Variants in PUS3 observed in about 807,000 individuals in gnomAD.
PUS3 encodes the protein pseudouridine synthase 3.
In PUS3, 36 loss-of-function variants were observed where a neutral mutation model predicts 43.3. That is an observed-to-expected ratio of 0.83 (90% CI 0.64 to 1.10). The LOEUF (loss-of-function observed/expected upper bound fraction) is 1.10, where lower values mean the gene tolerates loss of function less well. Ranked by LOEUF, PUS3 falls within the 50% of genes least tolerant of loss-of-function variation. The pLI is 0.00. For missense variants in PUS3, 544 were observed against 589.9 expected, an observed-to-expected ratio of 0.92 and a Z score of 0.81; for synonymous variants, 183 against 199.2, an observed-to-expected ratio of 0.92 and a Z score of 0.69.
Position 125,895,336 on chromosome 11 carries a change from G to C in PUS3, c.832C>G (p.Gln278Glu). 6.2e-7 allele frequency: 1 copy of C among 1,614,142 alleles called. No homozygotes were observed. The highest frequency in any genetic ancestry group is 8.5e-7 in the Non-Finnish European group (1 of 1,180,014). Residue 278 changes from glutamine to glutamate, a missense_variant, in exon 3 of 4, where the codon CAA becomes GAA. Physicochemically the swap from Gln to Glu is conservative, Grantham distance 29. Coordinates refer to ENST00000227474, the MANE Select transcript of PUS3 (RefSeq NM_031307.4). ...EVTGQAFLYH[Q>E]VRCMMAILFL... The stretch of plus-strand genomic sequence containing the variant: ...AGGATAGCCATCATACATCGGACTT[G>C]ATGATAAAGGAATGCCTGGCCAGTC...
intron 1 of PUS3, chr11:125,899,780 G>A (rs1260112346): frequency 6.2e-7 from 1 of 1,614,064 alleles, no homozygotes; most frequent in African/African-American, 1.3e-5. Flanking sequence ...GCTGATGAAT[G>A]TACAGTTCCA....
rs570355935 is a variant in PUS3, at chr11:125,901,716, C to T, written c.-47+1454G>A. Among the ~76,000 whole-genome samples the T allele has an allele frequency of 3.9e-5, 6 of 152,180 alleles. No homozygotes were observed. The South Asian group carries it at 1.0e-3, about 26-fold the overall frequency. The stretch of plus-strand genomic sequence containing the variant: ...TCAGGTACATGTAGGATATACTCAC[C>T]GCAAAAAAGTAGAAACTGCAAACTG... On this transcript the variant is annotated intron_variant, in intron 1 of 3. Transcript: ENST00000227474.
chr11:125,898,451 G>A (rs1332602867), intron 1 of PUS3, among the ~76,000 whole-genome samples: 1 of 152,124 alleles, frequency 6.6e-6, no homozygotes, highest in East Asian at 1.9e-4. Context: ...GAGGCGGGTG[G>A]GTTGCCTGAG....
At chr11:125,903,085 A>G in intron 1 of PUS3, 85 bp downstream of exon 1, 1 of 648,554 alleles carries the variant, frequency 1.5e-6, no homozygotes, top group South Asian at 6.8e-5. Flanking sequence ...AAAGAAGACA[A>G]CAGACAACCG....
rs776983732 is a variant in PUS3 at position 125,896,187 on chromosome 11, G to A, written c.98C>T (p.Ala33Val). 2 of 1,614,038 alleles carry A rather than the reference G, an allele frequency of 1.2e-6. No individual in the cohort carries two copies. The highest frequency in any genetic ancestry group is 1.7e-6 in the Non-Finnish European group (2 of 1,180,014). ...QEVQRLKKEQ[A>V]KNKEDSNIRE... ...AATGTTTGAGTCCTCCTTATTTTTG[G>A]CCTGTTCCTTTTTAAGTCTTTGCAC... Residue 33 changes from alanine (A) to valine (V), a missense_variant, in exon 2 of 4, where the codon GCC (alanine) becomes GTC (valine). Physicochemically the swap from Ala to Val is moderately conservative, Grantham distance 64 (BLOSUM62 0). Transcript: ENST00000227474.
chr11:125,900,718 AAGAAG>A, intron 1 of PUS3: 1 of 205,438 alleles, frequency 4.9e-6, no homozygotes, highest in East Asian at 1.5e-4. Flanking sequence ...GAGAGCTCAA[AAGAAG>A]GAACAAGCCG....
In PUS3 at chr11:125,895,329, C is replaced by T. The variant is rs776807099; in HGVS notation, c.839G>A (p.Arg280Gln). Reference protein sequence around the residue: ...TGQAFLYHQVRCMMAILFLIG... With the variant: ...TGQAFLYHQVQCMMAILFLIG... ...CAGAAAGAGGATAGCCATCATACAT[C>T]GGACTTGATGATAAAGGAATGCCTG... is the stretch of plus-strand genomic sequence containing the variant. Residue 280 changes from arginine (R) to glutamine (Q), a missense_variant, in exon 3 of 4, where the codon CGA (arginine) becomes CAA (glutamine). Arg to Gln is a conservative substitution (Grantham distance 43). Coordinates refer to ENST00000227474, the MANE Select transcript of PUS3 (RefSeq NM_031307.4). 1.2e-6 allele frequency: 2 copies of T among 1,614,024 alleles called. No homozygotes were observed. Among genetic ancestry groups the T allele is most frequent in the Admixed American group, 1.7e-5 (1 of 60,000 alleles).
At chr11:125,900,157 T>C in intron 1 of PUS3, 1 of 1,614,144 alleles carries the variant, frequency 6.2e-7, no homozygotes, top group Non-Finnish European at 8.5e-7. Context: ...TCCCAAACAA[T>C]TATCTAGTAC....
intron 1 of PUS3, 48 bp from the exon 2 acceptor site, chr11:125,896,378 G>T: frequency 8.2e-7 from 1 of 1,222,012 alleles, no homozygotes; most frequent in Non-Finnish European, 1.2e-6. Context: ...TAGTTCCTTT[G>T]ATGATGTTCT....
chr11:125,893,491 C>T lies in PUS3; in HGVS notation c.*294G>A. ...AAAAACACAACAAATCAGATACTTGCAGGATTAGGCTTTAATGAATTTGAA... is the reference window on the plus strand; with the variant it reads ...AAAAACACAACAAATCAGATACTTGTAGGATTAGGCTTTAATGAATTTGAA... On this transcript the variant is annotated 3_prime_UTR_variant, in exon 4 of 4. Coordinates refer to ENST00000227474, the MANE Select transcript of PUS3 (RefSeq NM_031307.4). 1 of 237,894 alleles carries T rather than the reference C, an allele frequency of 4.2e-6. No homozygotes were observed. Among genetic ancestry groups the T allele is most frequent in the Non-Finnish European group, 8.0e-6 (1 of 124,730 alleles). 14.7% of individuals were successfully genotyped at this position (237,894 alleles called of 1,614,324 possible). A position where few individuals can be genotyped will look rare whatever the true frequency, so the allele number is the denominator to read the frequency against.
At chr11:125,897,611 T>A (rs116354309) in intron 1 of PUS3, among the ~76,000 whole-genome samples, 1,570 of 151,792 alleles carry the variant, frequency 0.01, 35 homozygotes, top group African/African-American at 0.035. Flanking sequence ...AAAAATTTTT[T>A]AAAAAAAATT....
rs1195452063 is a variant in PUS3 at position 125,896,086 on chromosome 11, G to C, written c.199C>G (p.Leu67Val). Residue 67 changes from leucine (L) to valine (V), a missense_variant, in exon 2 of 4, where the codon CTA (leucine) becomes GTA (valine). By Grantham distance (32) the Leu-to-Val change is conservative (BLOSUM62 1). Coordinates refer to ENST00000227474, the MANE Select transcript of PUS3 (RefSeq NM_031307.4). ...CCCCAGCCCATATAGGCTATTCTTA[G>C]GGCTACGTGTCTTCGGCCATGAGCA... ...FSAHGRRHVA[L>V]RIAYMGWGYQ... The C allele has an allele frequency of 1.9e-6, 3 of 1,614,200 alleles. No individual in the cohort carries two copies. The highest frequency in any genetic ancestry group is 1.3e-5 in the African/African-American group (1 of 75,052).
rs766057732 is a variant in PUS3 at position 125,895,613 on chromosome 11, A to T, written c.555T>A (p.Ser185Arg). Residue 185 changes from serine (S) to arginine (R), a missense_variant, in exon 3 of 4, where the codon AGT becomes AGA. Transcript: ENST00000227474. The stretch of plus-strand genomic sequence containing the variant: ...TCCGCTCAAGGCAGCTGAACCTAGC[A>T]CTGAAGCTTGGTTCTACAGGGGCCC... ...LAWAPVEPSF[S>R]ARFSCLERTY... 1 of 1,614,252 alleles carries T rather than the reference A, an allele frequency of 6.2e-7. No homozygotes were observed. Among genetic ancestry groups the T allele is most frequent in the Non-Finnish European group, 8.5e-7 (1 of 1,180,036 alleles).
chr11:125,895,142 C>T, intron 3 of PUS3, 82 bp downstream of exon 3: 2 of 1,176,972 alleles, frequency 1.7e-6, no homozygotes, highest in Non-Finnish European at 2.4e-6. Flanking sequence ...CGCCTCCTGG[C>T]TTCAAGCAAT....
chr11:125,896,334 A>C lies in PUS3; in HGVS notation c.-46-4T>G. The C allele has an allele frequency of 6.6e-7, 1 of 1,508,552 alleles. No homozygotes were observed. The allele number at this position is 1,508,552 out of a possible 1,614,324, so 93.4% of individuals were successfully genotyped here. On this transcript the variant is annotated splice_region_variant and splice_polypyrimidine_tract_variant and intron_variant, in intron 1 of 3. Transcript: ENST00000227474. ...GAACCATACAGGTCTGCCCTGTCTG[A>C]AAAGAGAGCAAAGGGATACAACAGT...
rs940058901 is a variant in PUS3 at position 125,893,723 on chromosome 11, T to TG, written c.*61_*62insC. 7 of 1,412,554 alleles carry TG rather than the reference T, an allele frequency of 5.0e-6. No individual in the cohort carries two copies. The African/African-American group carries it at 1.0e-4, about 20-fold the overall frequency. 87.5% of individuals were successfully genotyped at this position (1,412,554 alleles called of 1,614,324 possible). A position where few individuals can be genotyped will look rare whatever the true frequency, so the allele number is the denominator to read the frequency against. ...CTAGTACTTGCAAGTAAATTTTTTT[T>TG]TTTTTCCTTTTCTGTCCACCTACCA... On this transcript the variant is annotated 3_prime_UTR_variant, in exon 4 of 4. Coordinates refer to ENST00000227474, the MANE Select transcript of PUS3 (RefSeq NM_031307.4).
rs1318258250 is a variant in PUS3, at chr11:125,893,792, A to C, written c.1439T>G (p.Ile480Ser). The C allele has an allele frequency of 6.2e-7, 1 of 1,606,840 alleles. No individual in the cohort carries two copies. Among genetic ancestry groups the C allele is most frequent in the Non-Finnish European group, 8.5e-7 (1 of 1,176,216 alleles). The change falls in exon 4 of 4, where the codon ATC becomes AGC. Residue 480 changes from isoleucine (I) to serine (S), a missense_variant. Ile to Ser is a moderately radical substitution (Grantham distance 142). Transcript: ENST00000227474. ...CTGGCAAATTGTCTATGGTTAAATG[A>C]TGCTTTTAATTTCTGTGTCAACACA... ...RVCVDTEIKS[I>S]I
chr11:125,900,687 A>C, intron 1 of PUS3: 1 of 247,302 alleles, frequency 4.0e-6, no homozygotes, highest in Non-Finnish European at 8.3e-6. Context: ...GCCTAAGATG[A>C]TCTTGAACCT....
intron 3 of PUS3, 99 bp from the exon 4 acceptor site, chr11:125,894,385 C>T (rs541646890): frequency 5.1e-5 from 47 of 926,948 alleles, no homozygotes; most frequent in Admixed American, 4.2e-4. Context: ...CCGGGTAGGG[C>T]GCCACCATTG....
Sources: gnomAD v4.1 joint callset for allele counts (sites outside exome capture counted in the v4.1 genomes callset) on GRCh38, gnomAD v4.1.1 for gene constraint, MANE v1.5 for transcripts, NCBI Gene and HGNC (gene_info 2026-07-23, HGNC 2026-07-21) for gene names.